Variants in TMED10 observed in about 807,000 individuals in gnomAD.
The protein encoded by TMED10 is transmembrane emp24 domain-containing protein 10.
Under a neutral mutation model 23.1 loss-of-function variants are expected in TMED10, and 7 were observed. The observed-to-expected ratio is 0.30, with a 90% CI of 0.17 to 0.57. The LOEUF (loss-of-function observed/expected upper bound fraction) is 0.57, where lower values mean the gene tolerates loss of function less well. TMED10 is among the 20% of genes least tolerant of loss of function. The pLI is 0.91. For missense variants in TMED10, 162 were observed against 274.8 expected (o/e 0.59, Z 2.90); for synonymous variants, 113 against 106.9 (o/e 1.06, Z -0.35).
At chr14:75,167,768 C>G (rs1294355639) in intron 1 of TMED10, among the ~76,000 whole-genome samples, 1 of 152,008 alleles carries the variant, frequency 6.6e-6, no homozygotes, top group Non-Finnish European at 1.5e-5. Context: ...TCACTTGAGG[C>G]CAGGAGTTCG....
intron 1 of TMED10, among the ~76,000 whole-genome samples, chr14:75,166,028 G>A (rs1248478418): frequency 6.6e-6 from 1 of 152,006 alleles, no homozygotes; most frequent in Admixed American, 6.6e-5. Context: ...GAGGAAAGGA[G>A]GGGAACGAGA....
rs1250622698 is a variant in TMED10, at chr14:75,147,797, A to ACCCC, written c.338-61_338-60insGGGG. The ACCCC allele has an allele frequency of 4.0e-6, 5 of 1,238,638 alleles. No individual in the cohort carries two copies. The African/African-American group carries it at 8.1e-5, about 20-fold the overall frequency. The allele number at this position is 1,238,638 out of a possible 1,614,324, so 76.7% of individuals were successfully genotyped here. A position where few individuals can be genotyped will look rare whatever the true frequency, so the allele number is the denominator to read the frequency against. ...TACTTAAAATTCTGGGAAATTACCC[A>ACCCC]CCCACCCGCCCGCCCTCCCTCTACA... On this transcript the variant is annotated intron_variant, in intron 2 of 4. Coordinates refer to ENST00000303575, the MANE Select transcript of TMED10 (RefSeq NM_006827.6).
In TMED10 at chr14:75,135,779, C is replaced by T. The variant is rs1166393465; in HGVS notation, c.519G>A (p.Glu173=). The T allele has an allele frequency of 2.5e-6, 4 of 1,613,942 alleles. No homozygotes were observed. Among genetic ancestry groups the T allele is most frequent in the Non-Finnish European group, 3.4e-6 (4 of 1,179,990 alleles). Residue 173 remains glutamate, a synonymous_variant, in exon 4 of 5, where the codon GAG becomes GAA. Transcript: ENST00000303575. ...NDFAYMKKRE[E]EMRDTNESTN... ...CCTCACCGTTGGTATCACGCATCTC[C>T]TCTTCTCTCTTCTTCATGTAGGCAA...
At chr14:75,169,996 G>A (rs1221295785) in intron 1 of TMED10, among the ~76,000 whole-genome samples, 1 of 152,182 alleles carries the variant, frequency 6.6e-6, no homozygotes. Context: ...GGGAGGCAGA[G>A]GCGGGCGGAT....
intron 2 of TMED10, among the ~76,000 whole-genome samples, chr14:75,148,976 G>A (rs7157050): frequency 0.018 from 2,717 of 152,280 alleles, 89 homozygotes; most frequent in African/African-American, 0.063. Flanking sequence ...GCAGTGGCAC[G>A]CACCATCATG....
intron 1 of TMED10, among the ~76,000 whole-genome samples, chr14:75,169,902 G>A (rs1483159416): frequency 6.6e-6 from 1 of 152,088 alleles, no homozygotes; most frequent in East Asian, 1.9e-4. Flanking sequence ...GATGCATAGG[G>A]AGAATCCTTG....
intron 3 of TMED10, among the ~76,000 whole-genome samples, chr14:75,138,536 A>G (rs1483246525): frequency 1.4e-5 from 2 of 147,640 alleles, no homozygotes; most frequent in African/African-American, 5.1e-5. Flanking sequence ...CTGCAGAACA[A>G]AAAAAAATTC....
At chr14:75,164,065 T>A (rs867903056) in intron 1 of TMED10, among the ~76,000 whole-genome samples, 8 of 151,954 alleles carry the variant, frequency 5.3e-5, no homozygotes, top group Non-Finnish European at 7.4e-5. Context: ...ATTAACCACA[T>A]TTTCTTCCTT....
At chr14:75,169,094 G>C (rs1046225306) in intron 1 of TMED10, among the ~76,000 whole-genome samples, 2 of 152,354 alleles carry the variant, frequency 1.3e-5, no homozygotes, top group South Asian at 4.1e-4. Flanking sequence ...ATGAGGCAAA[G>C]ACAGTGCTTG....
intron 1 of TMED10, among the ~76,000 whole-genome samples, chr14:75,159,554 T>C (rs175424): frequency 0.41 from 61,822 of 152,064 alleles, 13,099 homozygotes; most frequent in Middle Eastern, 0.51. Flanking sequence ...GAGATTATAA[T>C]CTCTTAATTT....
At chr14:75,164,567 ATATATATATATTTTT>A (rs1426949230) in intron 1 of TMED10, among the ~76,000 whole-genome samples, 85 of 1,912 alleles carry the variant, frequency 0.044, 1 homozygote, top group Middle Eastern at 0.17. Flanking sequence ...ATATATATAT[ATATATATATATTTTT>A]TTTTTTTTTT....
At chr14:75,176,193 A>T (rs1594878567) in intron 1 of TMED10, 162 bp downstream of exon 1, 4 of 840,250 alleles carry the variant, frequency 4.8e-6, no homozygotes, top group Non-Finnish European at 7.2e-6. Flanking sequence ...CGCGACAGGC[A>T]ACCAGCGGGG....
Position 75,133,597 on chromosome 14 carries a change from A to G in TMED10, c.*1288T>C, listed in dbSNP as rs1365834707. ...AGCCACTCTGGAAAAAGAGTAGGGT[A>G]GTTTCTTACAAAAATATATGTGTTT... On this transcript the variant is annotated 3_prime_UTR_variant, in exon 5 of 5. Transcript: ENST00000303575. 6.5e-6 allele frequency: 1 copy of G among 152,744 alleles called. No individual in the cohort carries two copies. Among genetic ancestry groups the G allele is most frequent in the Non-Finnish European group, 1.5e-5 (1 of 68,370 alleles). 9.5% of individuals were successfully genotyped at this position (152,744 alleles called of 1,614,324 possible). A position where few individuals can be genotyped will look rare whatever the true frequency, so the allele number is the denominator to read the frequency against.
chr14:75,140,853 C>G (rs1368032172), intron 3 of TMED10, among the ~76,000 whole-genome samples: 2 of 152,002 alleles, frequency 1.3e-5, no homozygotes, highest in South Asian at 4.1e-4. Flanking sequence ...GGAGACCAGG[C>G]TGGGCAACAC....
rs1895734180 is a variant in TMED10, at chr14:75,135,213, G to A, written c.539-207C>T. Among the ~76,000 whole-genome samples the A allele has an allele frequency of 2.6e-5, 4 of 152,174 alleles. No homozygotes were observed. The South Asian group carries it at 8.3e-4, about 31-fold the overall frequency. ...AGCCTGTAATCCCAGCACTCTGGGA[G>A]GCTGAGGCAGGCAGATCATGAAGTC... On this transcript the variant is annotated intron_variant, in intron 4 of 4. Transcript: ENST00000303575.
rs1896306969 is a variant in TMED10, at chr14:75,176,435, G to C, written c.145C>G (p.His49Asp). The C allele has an allele frequency of 1.2e-6, 2 of 1,614,106 alleles. No homozygotes were observed. The highest frequency in any genetic ancestry group is 2.2e-5 in the East Asian group (1 of 44,904). The change falls in exon 1 of 5, where the codon CAC becomes GAC. Residue 49 changes from histidine (H) to aspartate (D), a missense_variant. Physicochemically the swap from His to Asp is moderately conservative, Grantham distance 81 (BLOSUM62 -1). This residue lies in a region of TMED10 where 126 missense variants were observed against 239.5 expected (regional missense o/e 0.53). Transcript: ENST00000303575. ...NSRKCLREEI[H>D]KDLLVTGAYE... is the part of the protein sequence containing the mutation. ...GCGCCAGTCACTAGCAGGTCCTTGT[G>C]AATCTCCTCACGGAGGCACTTGCGA...
chr14:75,140,195 T>G (rs1289374729), intron 3 of TMED10, among the ~76,000 whole-genome samples: 1 of 152,024 alleles, frequency 6.6e-6, no homozygotes, highest in African/African-American at 2.4e-5. Context: ...ACTCTTGCTC[T>G]GTCACCCAGA....
intron 1 of TMED10, among the ~76,000 whole-genome samples, chr14:75,165,785 T>G (rs1386918656): frequency 1.3e-5 from 2 of 152,162 alleles, no homozygotes; most frequent in Non-Finnish European, 2.9e-5. Context: ...TCACTGATAG[T>G]ATAACATAGT....
intron 3 of TMED10, among the ~76,000 whole-genome samples, chr14:75,144,558 G>A (rs1186104262): frequency 6.6e-6 from 1 of 152,108 alleles, no homozygotes; most frequent in Non-Finnish European, 1.5e-5. Context: ...TAGGTAGTGT[G>A]GTACAATTAC....
Sources: allele counts gnomAD v4.1 joint callset (sites outside exome capture counted in the v4.1 genomes callset), GRCh38; gene constraint gnomAD v4.1.1; regional missense constraint gnomAD v4.1.1; transcripts MANE v1.5; gene names NCBI Gene and HGNC (gene_info 2026-07-23, HGNC 2026-07-21).